DIAPH3: variants seen among roughly 807,000 people sequenced by gnomAD.
The protein encoded by DIAPH3 is diaphanous related formin 3.
In DIAPH3, 117 loss-of-function variants were observed where a neutral mutation model predicts 144.3. The observed-to-expected ratio is 0.81, with a 90% CI of 0.70 to 0.95. The LOEUF is 0.95. DIAPH3 is among the 40% of genes least tolerant of loss of function. The pLI is 0.00. For synonymous variants in DIAPH3, 519 were observed against 488.9 expected, an observed-to-expected ratio of 1.06 and a Z score of -0.81; for missense variants, 1,421 against 1,412.7, an observed-to-expected ratio of 1.01 and a Z score of -0.09.
intron 18 of DIAPH3, among the ~76,000 whole-genome samples, chr13:59,923,232 G>A (rs140693924): frequency 3.3e-5 from 5 of 152,012 alleles, no homozygotes; most frequent in South Asian, 2.1e-4. Flanking sequence ...ATATTTCTTC[G>A]GGAACTATTA....
intron 27 of DIAPH3, among the ~76,000 whole-genome samples, chr13:59,745,952 C>G (rs1295174267): frequency 3.3e-5 from 5 of 152,104 alleles, no homozygotes; most frequent in Non-Finnish European, 2.9e-5. Context: ...GTGAATATTT[C>G]TAATCACTAG....
At chr13:59,799,928 A>G (rs986629331) in intron 25 of DIAPH3, among the ~76,000 whole-genome samples, 2 of 152,230 alleles carry the variant, frequency 1.3e-5, no homozygotes, top group African/African-American at 4.8e-5. Flanking sequence ...TAAATGTTTC[A>G]TATCATGTCC....
chr13:60,153,597 AT>A (rs1951898553), intron 1 of DIAPH3: 1 of 152,102 alleles, frequency 6.6e-6, no homozygotes, highest in African/African-American at 2.4e-5. Context: ...ATATACACAT[AT>A]TTTTCCACTA....
chr13:59,970,520 C>G (rs1459653475), intron 16 of DIAPH3, among the ~76,000 whole-genome samples: 4 of 152,080 alleles, frequency 2.6e-5, no homozygotes, highest in Admixed American at 2.6e-4. Flanking sequence ...AGAACACCAT[C>G]ATTTTTTTTT....
At chr13:60,156,807 C>T (rs1952041285) in intron 1 of DIAPH3, among the ~76,000 whole-genome samples, 1 of 150,578 alleles carries the variant, frequency 6.6e-6, no homozygotes, top group Admixed American at 6.7e-5. Context: ...AAGCTCCAAA[C>T]AGAAGTTGCT....
At chr13:59,837,584 A>G (rs1218378146) in intron 23 of DIAPH3, 1 of 153,690 alleles carries the variant, frequency 6.5e-6, no homozygotes, top group Non-Finnish European at 1.5e-5. Context: ...TAAGTAGTTC[A>G]ATTAACAGTA....
chr13:59,851,518 C>T (rs1300956614), intron 22 of DIAPH3, among the ~76,000 whole-genome samples: 3 of 152,120 alleles, frequency 2.0e-5, no homozygotes, highest in Non-Finnish European at 4.4e-5. Flanking sequence ...GGTTCTATAT[C>T]TGCCACCTAA....
At chr13:60,018,210 A>G (rs1362727288) in intron 5 of DIAPH3, among the ~76,000 whole-genome samples, 4 of 152,214 alleles carry the variant, frequency 2.6e-5, no homozygotes, top group Admixed American at 6.5e-5. Context: ...TCTAAAGCCA[A>G]TATAAATGGT....
At position 60,032,796 on chromosome 13, in the gene DIAPH3, G is replaced by A. The variant is rs9570250; in HGVS notation, c.626+9894C>T. On this transcript the variant is annotated intron_variant, in intron 5 of 27. Transcript: ENST00000400324. ...GTTATGCAAATTTGTCTAGCAAGTAGTTGCTCCACAGCCTTCTTGAGTTCC... is the reference window on the plus strand; with the variant it reads ...GTTATGCAAATTTGTCTAGCAAGTAATTGCTCCACAGCCTTCTTGAGTTCC... 2.0e-5 allele frequency among the ~76,000 whole-genome samples: 3 copies of A among 152,346 alleles called. No homozygotes were observed. The East Asian group carries it at 5.8e-4, about 29-fold the overall frequency.
rs181193659 is a variant in DIAPH3 at position 59,980,710 on chromosome 13, C to G, written c.1545+85G>C. On this transcript the variant is annotated intron_variant, in intron 14 of 27. Transcript: ENST00000400324. ...CCTGAAGCAGATAAAGAAGAAAGAACGAATAACAAGCAAATTCCCTGAGGC... is the reference window on the plus strand; with the variant it reads ...CCTGAAGCAGATAAAGAAGAAAGAAGGAATAACAAGCAAATTCCCTGAGGC... 3.3e-6 allele frequency: 4 copies of G among 1,221,348 alleles called. No individual in the cohort carries two copies. The Admixed American group carries it at 5.3e-5, about 16-fold the overall frequency. The allele number at this position is 1,221,348 out of a possible 1,614,324, so 75.7% of individuals were successfully genotyped here. A position where few individuals can be genotyped will look rare whatever the true frequency, so the allele number is the denominator to read the frequency against.
chr13:60,085,789 T>G (rs1474291834), intron 4 of DIAPH3, among the ~76,000 whole-genome samples: 3 of 152,158 alleles, frequency 2.0e-5, no homozygotes. Flanking sequence ...ATGCCTCTTG[T>G]GGCACTTTCA....
chr13:59,980,858 G>A lies in DIAPH3; in HGVS notation c.1482C>T (p.Asp494=), dbSNP rs771512228. The change falls in exon 14 of 28, where the codon GAC becomes GAT. Residue 494 remains aspartate, a splice_region_variant and synonymous_variant. Coordinates refer to ENST00000400324, the MANE Select transcript of DIAPH3 (RefSeq NM_001042517.2). ...RLDLDLTQFV[D]ICIDQAKLEE... ...CTAGTTTTGCTTGATCTATGCAAAT[G>A]TCTAAAATTGCAATGACAGGAAATT... The A allele has an allele frequency of 5.0e-6, 8 of 1,607,686 alleles. No homozygotes were observed. Among genetic ancestry groups the A allele is most frequent in the Non-Finnish European group, 6.8e-6 (8 of 1,176,516 alleles).
intron 9 of DIAPH3, among the ~76,000 whole-genome samples, chr13:59,996,665 G>A (rs909998394): frequency 6.6e-6 from 1 of 151,904 alleles, no homozygotes; most frequent in Admixed American, 6.6e-5. Context: ...AAAGTAGGAA[G>A]GTAAAGACAT....
chr13:59,938,130 T>C (rs934224371), intron 17 of DIAPH3, among the ~76,000 whole-genome samples: 4 of 152,168 alleles, frequency 2.6e-5, no homozygotes, highest in Non-Finnish European at 4.4e-5. Context: ...TGGTCTCCAA[T>C]TGGTCTAGCT....
intron 1 of DIAPH3, among the ~76,000 whole-genome samples, chr13:60,145,085 G>A (rs947742826): frequency 6.6e-6 from 1 of 152,024 alleles, no homozygotes; most frequent in Non-Finnish European, 1.5e-5. Flanking sequence ...CTAAAAACTC[G>A]CTATTATCCC....
At chr13:59,933,771 C>T (rs2140343470) in intron 17 of DIAPH3, among the ~76,000 whole-genome samples, 1 of 152,224 alleles carries the variant, frequency 6.6e-6, no homozygotes, top group South Asian at 2.1e-4. Context: ...ACAAAAGTTC[C>T]TATGTTGCCA....
intron 22 of DIAPH3, among the ~76,000 whole-genome samples, chr13:59,844,666 G>C (rs934896138): frequency 6.6e-6 from 1 of 151,854 alleles, no homozygotes; most frequent in Admixed American, 6.6e-5. Flanking sequence ...CATATTTTTT[G>C]TATTCCTGTT....
chr13:59,690,047 C>G (rs1186979894), intron 27 of DIAPH3, among the ~76,000 whole-genome samples: 3 of 151,988 alleles, frequency 2.0e-5, no homozygotes, highest in East Asian at 3.9e-4. Flanking sequence ...CATGTGTTTT[C>G]GACTTGCTCA....
chr13:59,953,250 G>A (rs909957614), intron 17 of DIAPH3, among the ~76,000 whole-genome samples: 7 of 152,108 alleles, frequency 4.6e-5, no homozygotes, highest in Non-Finnish European at 8.8e-5. Context: ...GGCATATCTG[G>A]GGTACATCAT....
Sources: gnomAD v4.1 joint callset for allele counts (sites outside exome capture counted in the v4.1 genomes callset) on GRCh38, gnomAD v4.1.1 for gene constraint, MANE v1.5 for transcripts, NCBI Gene and HGNC (gene_info 2026-07-23, HGNC 2026-07-21) for gene names.